Variants in RUFY3 observed in about 807,000 individuals in gnomAD.
RUFY3 encodes RUN and FYVE domain containing 3.
A neutral mutation model predicts 84.0 loss-of-function variants in RUFY3; 34 were observed. The ratio of observed to expected loss-of-function variants is 0.40; its 90% CI spans 0.31 to 0.54. The LOEUF is 0.54. RUFY3 is among the 20% of genes least tolerant of loss of function. The pLI, the probability that RUFY3 is intolerant of heterozygous loss-of-function variation, is 0.39. For missense variants in RUFY3, 507 were observed against 736.8 expected, an observed-to-expected ratio of 0.69 and a Z score of 3.61; for synonymous variants, 242 against 252.9, an observed-to-expected ratio of 0.96 and a Z score of 0.41.
chr4:70,731,502 T>G (rs1719269436), intron 1 of RUFY3, among the ~76,000 whole-genome samples: 1 of 152,226 alleles, frequency 6.6e-6, no homozygotes, highest in Non-Finnish European at 1.5e-5. Flanking sequence ...GGCTGGCAAG[T>G]GACACCTCTA....
At chr4:70,750,197 G>C (rs112207450) in intron 1 of RUFY3, among the ~76,000 whole-genome samples, 10 of 152,142 alleles carry the variant, frequency 6.6e-5, no homozygotes, top group African/African-American at 2.4e-4. Context: ...ACTTTTTATA[G>C]TACGTAAAAA....
Position 70,722,474 on chromosome 4 carries a change from T to G in RUFY3, c.-100T>G. On this transcript the variant is annotated 5_prime_UTR_variant, in exon 1 of 18. Transcript: ENST00000381006. The stretch of plus-strand genomic sequence containing the variant: ...CTGAAAGCTTTGTTTCAGAGCTTTG[T>G]ATTGGGTTTTTTTGGTGAGGAGGTT... 6.9e-7 allele frequency: 1 copy of G among 1,453,898 alleles called. No individual in the cohort carries two copies. The highest frequency in any genetic ancestry group is 9.1e-7 in the Non-Finnish European group (1 of 1,097,828). 90.1% of individuals were successfully genotyped at this position (1,453,898 alleles called of 1,614,324 possible). A position where few individuals can be genotyped will look rare whatever the true frequency, so the allele number is the denominator to read the frequency against.
chr4:70,732,749 G>A (rs1719489966), intron 1 of RUFY3, among the ~76,000 whole-genome samples: 1 of 137,418 alleles, frequency 7.3e-6, no homozygotes, highest in South Asian at 2.5e-4. Flanking sequence ...ACACACTGGG[G>A]ACCTGTCGGT....
At chr4:70,721,963 C>T (rs1321836994), upstream of RUFY3, 2 of 1,231,978 alleles carry the variant, frequency 1.6e-6, no homozygotes, top group African/African-American at 3.1e-5. Context: ...ATTTTCAGTT[C>T]AGTTCATTAG....
intron 10 of RUFY3, among the ~76,000 whole-genome samples, 186 bp from the exon 11 acceptor site, chr4:70,788,620 T>C (rs985615035): frequency 6.6e-6 from 1 of 152,210 alleles, no homozygotes; most frequent in Non-Finnish European, 1.5e-5. Context: ...TTATTGTATA[T>C]CCTAATTATT....
chr4:70,715,418 T>C (rs1488972002), intron 1 of RUFY3, among the ~76,000 whole-genome samples: 1 of 151,648 alleles, frequency 6.6e-6, no homozygotes, highest in Admixed American at 6.6e-5. Flanking sequence ...ACCCTGTCTC[T>C]ACTAAAAAAA....
chr4:70,736,810 G>A (rs1720386598), intron 1 of RUFY3, among the ~76,000 whole-genome samples: 1 of 152,146 alleles, frequency 6.6e-6, no homozygotes, highest in Admixed American at 6.5e-5. Context: ...GACCTCAGGT[G>A]ATCCACCCAC....
rs1578097181 is a variant in RUFY3 at position 70,755,372 on chromosome 4, A to T, written c.179-7147A>T. On this transcript the variant is annotated intron_variant, in intron 1 of 17. Coordinates refer to ENST00000381006, the MANE Select transcript of RUFY3 (RefSeq NM_001037442.4). ...ATTGCATATAACATACTTAATACTA[A>T]TATTAAATATATCTTTCTTTTCCTT... is the stretch of plus-strand genomic sequence containing the variant. 2.6e-5 allele frequency among the ~76,000 whole-genome samples: 4 copies of T among 152,342 alleles called. No homozygotes were observed. In the South Asian group the frequency reaches 8.3e-4, roughly 32 times the overall value.
chr4:70,715,421 T>TA (rs1011932221), intron 1 of RUFY3, among the ~76,000 whole-genome samples: 2 of 151,354 alleles, frequency 1.3e-5, no homozygotes, highest in African/African-American at 4.9e-5. Context: ...CTGTCTCTAC[T>TA]AAAAAAACAA....
At chr4:70,787,312 C>T (rs1392977264) in intron 10 of RUFY3, among the ~76,000 whole-genome samples, 6 of 138,964 alleles carry the variant, frequency 4.3e-5, no homozygotes, top group African/African-American at 1.6e-4. Context: ...GGCTGAAGTG[C>T]AGTGGTGTAG....
intron 17 of RUFY3, 79 bp from the exon 18 acceptor site, chr4:70,806,437 C>G: frequency 6.6e-7 from 1 of 1,506,784 alleles, no homozygotes; most frequent in Non-Finnish European, 9.1e-7. Context: ...GAGCATTTGC[C>G]ATATTTGGCT....
intron 4 of RUFY3, 23 bp downstream of exon 4, chr4:70,764,599 T>G: frequency 7.2e-7 from 1 of 1,382,850 alleles, no homozygotes; most frequent in Non-Finnish European, 1.0e-6. Flanking sequence ...TCTTGAACTT[T>G]CTTCTTTCCT....
chr4:70,789,496 G>A lies in RUFY3; in HGVS notation c.1241G>A (p.Ser414Asn). ...LKHELAFKLQSSDLGVKQKSE... is the reference protein window; with the variant it reads ...LKHELAFKLQNSDLGVKQKSE... ...GTTTATCGTTATTTTCCATAACAGA[G>A]TTCAGACTTAGGAGTAAAACAGAAA... Residue 414 changes from serine to asparagine, a missense_variant and splice_region_variant, in exon 12 of 18, where the codon AGT becomes AAT. Physicochemically the swap from Ser to Asn is conservative, Grantham distance 46. Around this residue, in one of 4 missense-constraint regions of RUFY3, gnomAD observed 334 missense variants for 364.1 expected, o/e 0.92. Coordinates refer to ENST00000381006, the MANE Select transcript of RUFY3 (RefSeq NM_001037442.4). 6.2e-7 allele frequency: 1 copy of A among 1,610,868 alleles called. No individual in the cohort carries two copies. Among genetic ancestry groups the A allele is most frequent in the Non-Finnish European group, 8.5e-7 (1 of 1,178,510 alleles).
intron 1 of RUFY3, among the ~76,000 whole-genome samples, chr4:70,743,436 G>C (rs1721646664): frequency 6.6e-6 from 1 of 152,046 alleles, no homozygotes; most frequent in African/African-American, 2.4e-5. Flanking sequence ...TCCTTTGATA[G>C]ACTAGATATT....
chr4:70,743,232 G>A (rs776573636), intron 1 of RUFY3, among the ~76,000 whole-genome samples: 3 of 151,880 alleles, frequency 2.0e-5, no homozygotes, highest in Non-Finnish European at 4.4e-5. Flanking sequence ...ACCATCCCTG[G>A]CTAATTTTTT....
intron 3 of RUFY3, 38 bp from the exon 4 acceptor site, chr4:70,764,437 C>A: frequency 7.2e-7 from 1 of 1,381,050 alleles, no homozygotes; most frequent in Non-Finnish European, 1.0e-6. Flanking sequence ...GCTTCTGGTG[C>A]TTATGTTTTC....
intron 1 of RUFY3, among the ~76,000 whole-genome samples, chr4:70,754,353 G>A (rs1723635531): frequency 6.6e-6 from 1 of 151,924 alleles, no homozygotes; most frequent in Non-Finnish European, 1.5e-5. Context: ...AAGCCTGGCT[G>A]GTTAATTTTT....
intron 1 of RUFY3, among the ~76,000 whole-genome samples, chr4:70,711,097 A>G (rs13146581): frequency 6.9e-6 from 1 of 145,140 alleles, no homozygotes; most frequent in African/African-American, 2.5e-5. Context: ...AAAAAGAAGT[A>G]TGTCAAAGAA....
In RUFY3 at chr4:70,806,785, TC is replaced by T; in HGVS notation, c.*128del. 1 of 1,204,070 alleles carries T rather than the reference TC, an allele frequency of 8.3e-7. No homozygotes were observed. The highest frequency in any genetic ancestry group is 1.2e-6 in the Non-Finnish European group (1 of 867,882). The allele number at this position is 1,204,070 out of a possible 1,614,324, so 74.6% of individuals were successfully genotyped here. A position where few individuals can be genotyped will look rare whatever the true frequency, so the allele number is the denominator to read the frequency against. On this transcript the variant is annotated 3_prime_UTR_variant, in exon 18 of 18. Transcript: ENST00000381006. ...AAAGAGTTGATAGGAATTTACTAGG[TC>T]CAGGGAGAAAAGGCAGTGGTTGGGG... is the stretch of plus-strand genomic sequence containing the variant.
Sources: gnomAD v4.1 joint callset for allele counts (sites outside exome capture counted in the v4.1 genomes callset) on GRCh38, gnomAD v4.1.1 for gene constraint, gnomAD v4.1.1 regional missense constraint, MANE v1.5 for transcripts, NCBI Gene and HGNC (gene_info 2026-07-23, HGNC 2026-07-21) for gene names.